AKT3: variants seen among roughly 807,000 people sequenced by gnomAD.
AKT3 encodes RAC-gamma serine/threonine-protein kinase.
AKT3 carries 15 observed loss-of-function variants against 65.3 expected under a neutral mutation model. The observed-to-expected ratio is 0.23, with a 90% CI of 0.15 to 0.35. The LOEUF is 0.35. AKT3 is among the 10% of genes least tolerant of loss of function. AKT3 has a pLI of 1.00. For missense variants in AKT3, 243 were observed against 576.5 expected (o/e 0.42, Z 5.92); for synonymous variants, 206 against 183.8 (o/e 1.12, Z -0.98).
chr1:243,717,258 G>A (rs1686571585), intron 2 of AKT3, among the ~76,000 whole-genome samples: 1 of 152,162 alleles, frequency 6.6e-6, no homozygotes, highest in Non-Finnish European at 1.5e-5. Context: ...TTGTATTAAA[G>A]TCTTTTAGTA....
chr1:243,751,743 C>T (rs1007256086), intron 2 of AKT3, among the ~76,000 whole-genome samples: 2 of 152,128 alleles, frequency 1.3e-5, no homozygotes, highest in African/African-American at 4.8e-5. Flanking sequence ...AGAGCTGAAA[C>T]AGGACCCAGC....
intron 12 of AKT3, among the ~76,000 whole-genome samples, chr1:243,529,114 T>C (rs1401252722): frequency 6.6e-6 from 1 of 152,064 alleles, no homozygotes; most frequent in African/African-American, 2.4e-5. Context: ...TTGGGAAGTG[T>C]CTGTCCATGT....
At chr1:243,817,890 A>T (rs1693623161) in intron 2 of AKT3, among the ~76,000 whole-genome samples, 1 of 152,258 alleles carries the variant, frequency 6.6e-6, no homozygotes, top group Admixed American at 6.5e-5. Flanking sequence ...GAATTAACTC[A>T]GGCATGGAAG....
chr1:243,658,091 A>T (rs1466737960), intron 4 of AKT3, among the ~76,000 whole-genome samples: 1 of 152,148 alleles, frequency 6.6e-6, no homozygotes, highest in Non-Finnish European at 1.5e-5. Context: ...TGCTGACAAA[A>T]GCAGTAATAG....
At chr1:243,786,252 A>G (rs1177800763) in intron 2 of AKT3, among the ~76,000 whole-genome samples, 1 of 152,232 alleles carries the variant, frequency 6.6e-6, no homozygotes, top group Non-Finnish European at 1.5e-5. Flanking sequence ...TCTCCTGAAA[A>G]TCTGTGTTTC....
intron 2 of AKT3, among the ~76,000 whole-genome samples, chr1:243,826,767 T>G (rs1389867077): frequency 6.6e-6 from 1 of 152,242 alleles, no homozygotes; most frequent in Non-Finnish European, 1.5e-5. Flanking sequence ...TTGTTGTTAC[T>G]GTTGGCTAGG....
intron 6 of AKT3, among the ~76,000 whole-genome samples, chr1:243,622,831 T>G (rs886296265): frequency 3.3e-5 from 5 of 152,176 alleles, no homozygotes; most frequent in African/African-American, 1.2e-4. Context: ...GAGAACAAAG[T>G]AACTGGCTGA....
chr1:243,507,979 G>C (rs921590529), intron 13 of AKT3, among the ~76,000 whole-genome samples: 1 of 152,170 alleles, frequency 6.6e-6, no homozygotes, highest in Admixed American at 6.5e-5. Flanking sequence ...CTGCTGATTT[G>C]TTCTAAACAA....
intron 3 of AKT3, among the ~76,000 whole-genome samples, chr1:243,675,914 AT>A (rs571278037): frequency 4.4e-4 from 67 of 151,962 alleles, no homozygotes; most frequent in African/African-American, 1.5e-3. Context: ...TATTTTTGAC[AT>A]TTTTTCCCAT....
intron 11 of AKT3, among the ~76,000 whole-genome samples, chr1:243,547,428 T>C (rs1431717888): frequency 2.0e-5 from 3 of 152,204 alleles, no homozygotes; most frequent in African/African-American, 7.2e-5. Flanking sequence ...AATTTAACAG[T>C]TGGTTCTTGA....
intron 2 of AKT3, among the ~76,000 whole-genome samples, chr1:243,812,720 C>T (rs1055160983): frequency 1.4e-4 from 22 of 152,012 alleles, no homozygotes; most frequent in African/African-American, 5.3e-4. Context: ...CACATGCACA[C>T]GTATGTTTAT....
chr1:243,768,756 A>T (rs189484891), intron 2 of AKT3, among the ~76,000 whole-genome samples: 4 of 151,150 alleles, frequency 2.6e-5, no homozygotes, highest in Middle Eastern at 3.4e-3. Flanking sequence ...AATCACTTGA[A>T]CCGAGGAGGC....
intron 2 of AKT3, among the ~76,000 whole-genome samples, chr1:243,773,310 C>T (rs978999072): frequency 5.3e-5 from 8 of 151,156 alleles, no homozygotes; most frequent in East Asian, 3.9e-4. Flanking sequence ...TCATGTTCAC[C>T]GAGTATGAGT....
At chr1:243,839,660 CTTTT>C (rs35374668) in intron 2 of AKT3, among the ~76,000 whole-genome samples, 1 of 151,878 alleles carries the variant, frequency 6.6e-6, no homozygotes, top group African/African-American at 2.4e-5. Flanking sequence ...TCTTTCAGCC[CTTTT>C]TTTATTTTCC....
chr1:243,734,140 C>T (rs12073035), intron 2 of AKT3, among the ~76,000 whole-genome samples: 6,843 of 152,216 alleles, frequency 0.045, 331 homozygotes, highest in African/African-American at 0.12. Flanking sequence ...TGCTGTATCT[C>T]CTGTACCTCA....
intron 8 of AKT3, among the ~76,000 whole-genome samples, chr1:243,601,402 T>C (rs1676992502): frequency 6.6e-6 from 1 of 152,100 alleles, no homozygotes; most frequent in South Asian, 2.1e-4. Flanking sequence ...CCACTATACA[T>C]CCACCAGAAT....
chr1:243,603,969 C>T (rs1237652123), intron 8 of AKT3, among the ~76,000 whole-genome samples: 3 of 148,478 alleles, frequency 2.0e-5, no homozygotes, highest in African/African-American at 2.5e-5. Flanking sequence ...AATCTAGGCT[C>T]ACTGCAATCT....
At chr1:243,613,434 AAC>A (rs1212068123) in intron 8 of AKT3, among the ~76,000 whole-genome samples, 2 of 152,114 alleles carry the variant, frequency 1.3e-5, no homozygotes, top group African/African-American at 2.4e-5. Flanking sequence ...TACATTTAAA[AAC>A]ACAGGAAAAA....
chr1:243,745,822 G>A (rs957604643), intron 2 of AKT3, among the ~76,000 whole-genome samples: 1 of 152,254 alleles, frequency 6.6e-6, no homozygotes, highest in African/African-American at 2.4e-5. Flanking sequence ...TAGGAATGGA[G>A]GTTTTATTAT....
Sources: allele counts gnomAD v4.1 joint callset (sites outside exome capture counted in the v4.1 genomes callset), GRCh38; gene constraint gnomAD v4.1.1; transcripts MANE v1.5; gene names NCBI Gene and HGNC (gene_info 2026-07-23, HGNC 2026-07-21).